AFTPH: variants seen among roughly 807,000 people sequenced by gnomAD.
AFTPH encodes aftiphilin protein.
In AFTPH, 7 loss-of-function variants were observed where a neutral mutation model predicts 72.5. The observed-to-expected ratio is 0.10, with a 90% CI of 0.05 to 0.18. The LOEUF is 0.18. AFTPH is among the 10% of genes least tolerant of loss of function. AFTPH has a pLI of 1.00. For missense variants in AFTPH, 979 were observed against 1,060.5 expected, an observed-to-expected ratio of 0.92 and a Z score of 1.07; for synonymous variants, 337 against 370.1, an observed-to-expected ratio of 0.91 and a Z score of 1.03.
intron 1 of AFTPH, among the ~76,000 whole-genome samples, chr2:64,536,854 G>A (rs1488576178): frequency 6.6e-6 from 1 of 150,394 alleles, no homozygotes; most frequent in African/African-American, 2.4e-5. Flanking sequence ...TTGGGTGGCT[G>A]AAGTGGGAGG....
intron 1 of AFTPH, among the ~76,000 whole-genome samples, chr2:64,529,382 C>T (rs1669468683): frequency 1.3e-5 from 2 of 150,940 alleles, no homozygotes; most frequent in African/African-American, 4.9e-5. Flanking sequence ...ATCTTGGTAG[C>T]CACATTTTAC....
chr2:64,571,089 A>G (rs1003505808), intron 5 of AFTPH, among the ~76,000 whole-genome samples: 1 of 151,890 alleles, frequency 6.6e-6, no homozygotes, highest in South Asian at 2.1e-4. Context: ...TCAAGTTTTA[A>G]TTATAGCTAA....
intron 1 of AFTPH, among the ~76,000 whole-genome samples, chr2:64,538,251 C>G (rs1316618479): frequency 6.6e-6 from 1 of 152,032 alleles, no homozygotes; most frequent in Non-Finnish European, 1.5e-5. Context: ...ATTGGGTACC[C>G]TGCAAATAAA....
At chr2:64,553,776 A>G (rs1255729775) in intron 2 of AFTPH, among the ~76,000 whole-genome samples, 7 of 149,984 alleles carry the variant, frequency 4.7e-5, no homozygotes, top group Admixed American at 4.0e-4. Flanking sequence ...TACCCTTTAC[A>G]GTGATTTTAA....
intron 6 of AFTPH, 44 bp downstream of exon 6, chr2:64,573,112 T>C (rs754251125): frequency 6.9e-7 from 1 of 1,448,814 alleles, no homozygotes; most frequent in East Asian, 2.3e-5. Flanking sequence ...TGCGTGTATA[T>C]ACACATATAT....
intron 2 of AFTPH, among the ~76,000 whole-genome samples, chr2:64,562,742 T>A (rs11680153): frequency 0.45 from 68,609 of 152,016 alleles, 16,358 homozygotes; most frequent in African/African-American, 0.62. Context: ...GAAAATTATG[T>A]TACATGATAG....
At chr2:64,564,919 C>T (rs1016120815) in intron 2 of AFTPH, among the ~76,000 whole-genome samples, 3 of 151,734 alleles carry the variant, frequency 2.0e-5, no homozygotes, top group Non-Finnish European at 4.4e-5. Flanking sequence ...CTCACTGCCA[C>T]CTCCACCTCT....
At chr2:64,590,738 T>G (rs929002109) in intron 8 of AFTPH, among the ~76,000 whole-genome samples, 1 of 152,224 alleles carries the variant, frequency 6.6e-6, no homozygotes, top group Non-Finnish European at 1.5e-5. Flanking sequence ...AAAACTTTAG[T>G]CCTAAAAGTC....
At chr2:64,529,633 C>CT (rs66889509) in intron 1 of AFTPH, among the ~76,000 whole-genome samples, 431 of 142,710 alleles carry the variant, frequency 3.0e-3, no homozygotes, top group Non-Finnish European at 3.5e-3. Context: ...AAACAAATCA[C>CT]TTTTTTTTTT....
At chr2:64,571,314 G>A (rs1672417362) in intron 5 of AFTPH, among the ~76,000 whole-genome samples, 1 of 150,270 alleles carries the variant, frequency 6.7e-6, no homozygotes, top group East Asian at 2.0e-4. Flanking sequence ...TCAAGAATTT[G>A]CACGTCTGAC....
chr2:64,551,718 A>G, exon 2 of AFTPH: 1 of 1,613,888 alleles, frequency 6.2e-7, no homozygotes, highest in Non-Finnish European at 8.5e-7. Flanking sequence ...TACAAGCTTT[A>G]AGTCCATTAA....
At chr2:64,532,879 A>G (rs1669702401) in intron 1 of AFTPH, among the ~76,000 whole-genome samples, 1 of 152,190 alleles carries the variant, frequency 6.6e-6, no homozygotes, top group South Asian at 2.1e-4. Flanking sequence ...CTATGGGAAA[A>G]TTTATTTTGT....
rs964176189 is a variant in AFTPH, at chr2:64,547,433, A to G, written c.-32-4010A>G. Among the ~76,000 whole-genome samples the G allele has an allele frequency of 9.9e-5, 15 of 152,206 alleles. 1 individual carries two copies. Among genetic ancestry groups the G allele is most frequent in the Admixed American group, 8.5e-4 (13 of 15,272 alleles). Reference sequence around the variant, plus strand: ...CTCATTGCATCTCATCAGGTGGTGCATGATTTCAGTGTTCCCATTACTGAT... The same window carrying G: ...CTCATTGCATCTCATCAGGTGGTGCGTGATTTCAGTGTTCCCATTACTGAT... On this transcript the variant is annotated intron_variant, in intron 1 of 8. Transcript: ENST00000238856.
chr2:64,544,910 A>G (rs777134336), intron 1 of AFTPH, among the ~76,000 whole-genome samples: 3 of 152,130 alleles, frequency 2.0e-5, no homozygotes, highest in Non-Finnish European at 4.4e-5. Context: ...CCCCTTTTTG[A>G]GAAATATGAA....
chr2:64,525,601 T>G (rs1459020426), intron 1 of AFTPH: 1 of 154,028 alleles, frequency 6.5e-6, no homozygotes, highest in Non-Finnish European at 1.5e-5. Context: ...GAGGATTTTA[T>G]TTGGTGGAGG....
intron 1 of AFTPH, among the ~76,000 whole-genome samples, chr2:64,535,849 C>G (rs1669855063): frequency 6.6e-6 from 1 of 152,176 alleles, no homozygotes; most frequent in South Asian, 2.1e-4. Context: ...GAGGGAGTAT[C>G]TTAGCCATGT....
At position 64,555,989 on chromosome 2, in the gene AFTPH, C is replaced by CTTTTTTTTTTTT. The variant is rs774669104; in HGVS notation, c.1935+2584_1935+2595dup. Among the ~76,000 whole-genome samples the CTTTTTTTTTTTT allele has an allele frequency of 6.9e-4, 92 of 134,074 alleles. 5 individuals carry two copies. The highest frequency in any genetic ancestry group is 2.5e-3 in the African/African-American group (81 of 32,374). 88.0% of individuals were successfully genotyped at this position (134,074 alleles called of 152,430 possible). On this transcript the variant is annotated intron_variant, in intron 2 of 8. Coordinates refer to ENST00000238856, the Ensembl canonical transcript of AFTPH. Reference sequence around the variant, plus strand: ...TGTTTGGAACAGCACGAATTCCTCACTTTTTTTTTTTTTTTGGAGACAGAA... The same window carrying CTTTTTTTTTTTT: ...TGTTTGGAACAGCACGAATTCCTCACTTTTTTTTTTTTTTTTTTTTTTTTTTTGGAGACAGAA...
chr2:64,576,029 G>A (rs546193363), intron 6 of AFTPH, among the ~76,000 whole-genome samples: 2 of 148,112 alleles, frequency 1.4e-5, no homozygotes, highest in East Asian at 4.1e-4. Context: ...GTGAGACATC[G>A]CACCCGGCCT....
chr2:64,537,639 C>T (rs1349868614), intron 1 of AFTPH, among the ~76,000 whole-genome samples: 1 of 151,920 alleles, frequency 6.6e-6, no homozygotes, highest in East Asian at 1.9e-4. Context: ...TAAAATTTGC[C>T]AAAGTGTTCC....
Sources: gnomAD v4.1 joint callset for allele counts (sites outside exome capture counted in the v4.1 genomes callset) on GRCh38, gnomAD v4.1.1 for gene constraint, MANE v1.5 for transcripts, NCBI Gene and HGNC (gene_info 2026-07-23, HGNC 2026-07-21) for gene names.